The following CNTN3 variants were observed in gnomAD, a reference collection of about 807,000 sequenced individuals.
The protein encoded by CNTN3 is contactin-3.
Under a neutral mutation model 119.1 loss-of-function variants are expected in CNTN3, and 60 were observed. The ratio of observed to expected loss-of-function variants is 0.50; its 90% confidence interval spans 0.41 to 0.62. The LOEUF is 0.62. Ranked by LOEUF, CNTN3 falls within the 20% of genes least tolerant of loss-of-function variation. The pLI is 0.00. For missense variants in CNTN3, 1,101 were observed against 1,242.4 expected (o/e 0.89, Z 1.71); for synonymous variants, 450 against 438.7 (o/e 1.03, Z -0.32).
chr3:74,535,379 T>C (rs914525689), intron 1 of CNTN3, among the ~76,000 whole-genome samples: 3 of 152,102 alleles, frequency 2.0e-5, no homozygotes, highest in African/African-American at 7.2e-5. Context: ...TGAGGAAAGA[T>C]GGGAGAAGTA....
chr3:74,560,844 A>G (rs1288469038), intron 1 of CNTN3, among the ~76,000 whole-genome samples: 1 of 152,054 alleles, frequency 6.6e-6, no homozygotes, highest in Admixed American at 6.6e-5. Flanking sequence ...CTATGCAGCC[A>G]TAAAAAATGA....
chr3:74,445,692 C>G (rs1421734826), intron 4 of CNTN3, among the ~76,000 whole-genome samples: 1 of 152,074 alleles, frequency 6.6e-6, no homozygotes, highest in African/African-American at 2.4e-5. Flanking sequence ...ACTGCCAAAT[C>G]AAATGGAACA....
intron 1 of CNTN3, among the ~76,000 whole-genome samples, chr3:74,562,342 T>C (rs1277299218): frequency 6.6e-6 from 1 of 152,186 alleles, no homozygotes; most frequent in Non-Finnish European, 1.5e-5. Context: ...CCTCTCTTTG[T>C]AAATTTTCAT....
At position 74,302,686 on chromosome 3, in the gene CNTN3, T is replaced by G. The variant is rs760963526; in HGVS notation, c.1786+4A>C. 1.9e-6 allele frequency: 3 copies of G among 1,582,626 alleles called. No individual in the cohort carries two copies. Among genetic ancestry groups the G allele is most frequent in the Non-Finnish European group, 1.7e-6 (2 of 1,152,446 alleles). On this transcript the variant is annotated splice_donor_region_variant and intron_variant, in intron 14 of 22. Transcript: ENST00000263665. ...ACAAACTCAAGGGGGCATAAATGTT[T>G]TACCTCTTACTATGAGGTCAGCAGC...
intron 2 of CNTN3, among the ~76,000 whole-genome samples, chr3:74,518,535 T>A (rs879863797): frequency 1.3e-5 from 2 of 151,800 alleles, no homozygotes; most frequent in Non-Finnish European, 2.9e-5. Flanking sequence ...AAGTGCCACA[T>A]CCAACACCAC....
At chr3:74,564,465 T>A (rs559695562) in intron 1 of CNTN3, among the ~76,000 whole-genome samples, 1 of 151,848 alleles carries the variant, frequency 6.6e-6, no homozygotes, top group South Asian at 2.1e-4. Flanking sequence ...CATGATTAGA[T>A]ATGTGTGTTT....
At chr3:74,387,159 C>A (rs950232964) in intron 5 of CNTN3, among the ~76,000 whole-genome samples, 2 of 152,132 alleles carry the variant, frequency 1.3e-5, no homozygotes, top group African/African-American at 4.8e-5. Context: ...ATGGTGGAAG[C>A]TGCTTTTTAA....
intron 14 of CNTN3, among the ~76,000 whole-genome samples, chr3:74,302,146 CT>C (rs1161984380): frequency 6.6e-6 from 1 of 152,102 alleles, no homozygotes; most frequent in Admixed American, 6.6e-5. Context: ...GGTGTGATGC[CT>C]TTCCCTTTAA....
intron 1 of CNTN3, among the ~76,000 whole-genome samples, chr3:74,526,275 G>C (rs1293082727): frequency 1.3e-5 from 2 of 151,488 alleles, no homozygotes; most frequent in East Asian, 3.9e-4. Context: ...TCAATTATTA[G>C]TGGATAAAAG....
At chr3:74,277,151 G>C (rs180907310) in intron 20 of CNTN3, among the ~76,000 whole-genome samples, 2 of 152,078 alleles carry the variant, frequency 1.3e-5, no homozygotes, top group East Asian at 1.9e-4. Flanking sequence ...AAAAATTACC[G>C]ACTAAAAAAG....
Position 74,302,731 on chromosome 3 carries a change from C to A in CNTN3, c.1745G>T (p.Gly582Val). The part of the protein sequence containing the change: ...SGKYVCMVQT[G>V]VDSVSSAADL... ...AGCAGCAGATGAAACACTGTCCACC[C>A]CCGTTTGCACCATACAAACATATTT... Residue 582 changes from glycine (G) to valine (V), a missense_variant, in exon 14 of 23, where the codon GGG becomes GTG. Gly to Val is a moderately radical substitution (Grantham distance 109). Transcript: ENST00000263665. The A allele has an allele frequency of 6.2e-7, 1 of 1,613,246 alleles. No homozygotes were observed. The highest frequency in any genetic ancestry group is 8.5e-7 in the Non-Finnish European group (1 of 1,179,442).
intron 20 of CNTN3, 76 bp from the exon 21 acceptor site, chr3:74,267,454 T>G: frequency 9.9e-7 from 1 of 1,012,220 alleles, no homozygotes; most frequent in Non-Finnish European, 1.6e-6. Flanking sequence ...ATGGCGGCTA[T>G]CATAGGAAGC....
chr3:74,568,847 C>A (rs911494997), intron 1 of CNTN3, among the ~76,000 whole-genome samples: 5 of 152,296 alleles, frequency 3.3e-5, no homozygotes, highest in African/African-American at 1.2e-4. Context: ...AAGGCCTCAG[C>A]CATTGGTGAG....
At chr3:74,274,549 C>G (rs2121813) in intron 20 of CNTN3, among the ~76,000 whole-genome samples, 70,141 of 151,816 alleles carry the variant, frequency 0.46, 17,911 homozygotes, top group East Asian at 0.71. Context: ...CCAGAAGAGA[C>G]ATAAACAATC....
At chr3:74,584,460 C>T (rs1015902941) in intron 1 of CNTN3, among the ~76,000 whole-genome samples, 1 of 152,028 alleles carries the variant, frequency 6.6e-6, no homozygotes, top group Non-Finnish European at 1.5e-5. Context: ...CTGAGGGTAA[C>T]GAGTGAGTTC....
At chr3:74,600,391 C>A (rs1704890332) in intron 1 of CNTN3, among the ~76,000 whole-genome samples, 1 of 152,046 alleles carries the variant, frequency 6.6e-6, no homozygotes, top group Admixed American at 6.6e-5. Flanking sequence ...ATAAATTTTT[C>A]TTCCAAGTGG....
chr3:74,359,025 G>A (rs1263252067), intron 11 of CNTN3, among the ~76,000 whole-genome samples: 1 of 151,972 alleles, frequency 6.6e-6, no homozygotes, highest in East Asian at 1.9e-4. Flanking sequence ...GGACATTTGG[G>A]TTGTGTATTC....
chr3:74,365,492 T>C, intron 9 of CNTN3, 74 bp downstream of exon 9: 3 of 1,583,876 alleles, frequency 1.9e-6, no homozygotes, highest in South Asian at 1.1e-5. Context: ...AAAGAAAGCA[T>C]TTGCTAAACA....
chr3:74,307,432 A>T (rs916120332), intron 13 of CNTN3, among the ~76,000 whole-genome samples: 2 of 152,220 alleles, frequency 1.3e-5, no homozygotes, highest in Admixed American at 6.5e-5. Context: ...TGTTACAAGT[A>T]TTAACAGTAA....
Sources: gnomAD v4.1 joint callset for allele counts (sites outside exome capture counted in the v4.1 genomes callset) on GRCh38, gnomAD v4.1.1 for gene constraint, MANE v1.5 for transcripts, NCBI Gene and HGNC (gene_info 2026-07-23, HGNC 2026-07-21) for gene names.